The following NMT2 variants were observed in gnomAD, a reference collection of about 807,000 sequenced individuals.
NMT2 encodes glycylpeptide N-tetradecanoyltransferase 2.
In NMT2, 35 loss-of-function variants were observed where a neutral mutation model predicts 65.4. The ratio of observed to expected loss-of-function variants is 0.54; its 90% confidence interval spans 0.41 to 0.71. The LOEUF (loss-of-function observed/expected upper bound fraction) is 0.71. Ranked by LOEUF, NMT2 falls within the 30% of genes least tolerant of loss-of-function variation. The probability of loss-of-function intolerance (pLI) is 0.00; values close to 1 mark genes in which losing one functional copy is unlikely to be tolerated. For synonymous variants in NMT2, 226 were observed against 231.8 expected (o/e 0.98, Z 0.23); for missense variants, 489 against 611.3 (o/e 0.80, Z 2.11).
intron 8 of NMT2, among the ~76,000 whole-genome samples, chr10:15,123,974 T>C (rs113507793): frequency 1.7e-3 from 254 of 152,314 alleles, no homozygotes; most frequent in African/African-American, 5.6e-3. Flanking sequence ...GCAATGATTA[T>C]GGTTATTTAT....
chr10:15,143,672 A>G (rs1846854927), intron 1 of NMT2, among the ~76,000 whole-genome samples: 1 of 152,178 alleles, frequency 6.6e-6, no homozygotes, highest in Non-Finnish European at 1.5e-5. Flanking sequence ...GACCAGCCTG[A>G]GCAATATAGT....
chr10:15,155,389 G>T, intron 1 of NMT2: 1 of 647,828 alleles, frequency 1.5e-6, no homozygotes, highest in Non-Finnish European at 2.7e-6. Flanking sequence ...TTTTTTAAGA[G>T]ATTGGGTCTC....
chr10:15,139,010 G>C (rs1312301500), intron 2 of NMT2, among the ~76,000 whole-genome samples: 1 of 152,110 alleles, frequency 6.6e-6, no homozygotes, highest in African/African-American at 2.4e-5. Context: ...ATCTGGGTGG[G>C]CACAATCTAA....
intron 8 of NMT2, 120 bp downstream of exon 8, chr10:15,128,230 G>A (rs1285328585): frequency 1.5e-5 from 10 of 669,602 alleles, no homozygotes; most frequent in Middle Eastern, 2.7e-4. Context: ...AATCTCTTTC[G>A]CTCCATATTC....
chr10:15,168,677 G>T lies in NMT2; in HGVS notation c.-65C>A. The T allele has an allele frequency of 7.9e-7, 1 of 1,261,434 alleles. No homozygotes were observed. Among genetic ancestry groups the T allele is most frequent in the Non-Finnish European group, 1.1e-6 (1 of 915,530 alleles). 78.1% of individuals were successfully genotyped at this position (1,261,434 alleles called of 1,614,324 possible). A position where few individuals can be genotyped will look rare whatever the true frequency, so the allele number is the denominator to read the frequency against. On this transcript the variant is annotated 5_prime_UTR_variant, in exon 1 of 12. Coordinates refer to ENST00000378165, the MANE Select transcript of NMT2 (RefSeq NM_004808.3). ...GCCGGAGCGGCCGCAGCTCCCTCTA[G>T]TGCCTCCCGCCGTACTGCTTGGAGT...
At chr10:15,128,823 G>A (rs1846182155) in intron 7 of NMT2, among the ~76,000 whole-genome samples, 1 of 152,120 alleles carries the variant, frequency 6.6e-6, no homozygotes, top group Non-Finnish European at 1.5e-5. Context: ...TGGCCAACAT[G>A]GTGAAACCCC....
At chr10:15,137,534 G>A (rs1846555949) in intron 2 of NMT2, among the ~76,000 whole-genome samples, 1 of 152,018 alleles carries the variant, frequency 6.6e-6, no homozygotes, top group African/African-American at 2.4e-5. Flanking sequence ...ATGTGTATCT[G>A]AACTCCAACA....
intron 2 of NMT2, among the ~76,000 whole-genome samples, chr10:15,136,817 T>A (rs1480382251): frequency 4.2e-5 from 6 of 142,188 alleles, no homozygotes; most frequent in Non-Finnish European, 7.5e-5. Context: ...CTCTTGGAGA[T>A]TCCCCAGTTC....
At chr10:15,132,221 CAG>C (rs956675085) in intron 6 of NMT2, among the ~76,000 whole-genome samples, 4 of 151,792 alleles carry the variant, frequency 2.6e-5, no homozygotes, top group Non-Finnish European at 5.9e-5. Flanking sequence ...GATTGAGAGG[CAG>C]AGAGAGAAAA....
In NMT2 at chr10:15,135,275, T is replaced by A; in HGVS notation, c.390A>T (p.Leu130=). ...QFWDTQPVPK[L]DEVITSHGAI... ...AAAGAGAAAAGCAGAAAAACTTACCTAGTTTTGGTACCGGTTGTGTGTCCC... is the reference window on the plus strand; with the variant it reads ...AAAGAGAAAAGCAGAAAAACTTACCAAGTTTTGGTACCGGTTGTGTGTCCC... Residue 130 remains leucine (L), a splice_region_variant and synonymous_variant, in exon 3 of 12, where the codon CTA becomes CTT. Transcript: ENST00000378165. 1 of 1,613,884 alleles carries A rather than the reference T, an allele frequency of 6.2e-7. No homozygotes were observed. The highest frequency in any genetic ancestry group is 8.5e-7 in the Non-Finnish European group (1 of 1,179,984).
rs148874520 is a variant in NMT2, at chr10:15,119,744, T to C, written c.1000-231A>G. ...GTTTGAGAAGAGCTGGGTTAAAATA[T>C]AGGCGAGACAGACAATGTGTTGTAT... On this transcript the variant is annotated intron_variant, in intron 8 of 11. Transcript: ENST00000378165. Among the ~76,000 whole-genome samples, 133 of 152,346 alleles carry C rather than the reference T, an allele frequency of 8.7e-4. 1 individual carries two copies. Among genetic ancestry groups the C allele is most frequent in the Admixed American group, 5.2e-4 (8 of 15,308 alleles).
Position 15,168,538 on chromosome 10 carries a change from G to A in NMT2, c.75C>T (p.Asp25=), listed in dbSNP as rs201709210. 2 of 1,593,244 alleles carry A rather than the reference G, an allele frequency of 1.3e-6. No homozygotes were observed. Among genetic ancestry groups the A allele is most frequent in the Non-Finnish European group, 1.7e-6 (2 of 1,172,228 alleles). The change falls in exon 1 of 12, where the codon GAC becomes GAT. Residue 25 remains aspartate (D), a synonymous_variant. Transcript: ENST00000378165. ...GCTCCGTCTCCTCCTCATTGTCCCC[G>A]TCTATCCCGCACGTGTCCTGGTCGT... ...ELDDQDTCGI[D]GDNEEETEHA...
At chr10:15,116,375 G>T (rs890067444) in intron 9 of NMT2, among the ~76,000 whole-genome samples, 1 of 152,132 alleles carries the variant, frequency 6.6e-6, no homozygotes, top group Non-Finnish European at 1.5e-5. Context: ...ATACATAGAC[G>T]TGAATGACAA....
chr10:15,112,690 TCG>T, intron 10 of NMT2, 104 bp downstream of exon 10: 1 of 1,081,228 alleles, frequency 9.2e-7, no homozygotes, highest in Non-Finnish European at 1.3e-6. Flanking sequence ...TTTTAAAGTC[TCG>T]CATAAATTCC....
intron 1 of NMT2, among the ~76,000 whole-genome samples, chr10:15,154,033 A>G (rs1410559389): frequency 6.6e-6 from 1 of 152,198 alleles, no homozygotes; most frequent in Non-Finnish European, 1.5e-5. Context: ...TCACAACACA[A>G]GCACATTTAT....
intron 3 of NMT2, 112 bp from the exon 4 acceptor site, chr10:15,133,475 C>T (rs1846360375): frequency 5.2e-6 from 4 of 766,300 alleles, no homozygotes; most frequent in African/African-American, 3.5e-5. Context: ...TGACTTAGGG[C>T]CCTCGGGTTT....
intron 3 of NMT2, among the ~76,000 whole-genome samples, chr10:15,133,662 C>G (rs1846368860): frequency 6.6e-6 from 1 of 152,198 alleles, no homozygotes. Context: ...TCATGGCTCA[C>G]TGAAGCCTTC....
chr10:15,155,009 A>G (rs779522669), intron 1 of NMT2: 49 of 1,192,288 alleles, frequency 4.1e-5, no homozygotes, highest in Non-Finnish European at 6.0e-5. Context: ...ACAAGATGCC[A>G]GGACCTGTAT....
chr10:15,130,085 T>C (rs1846223336), intron 7 of NMT2, 57 bp downstream of exon 7: 1 of 1,302,846 alleles, frequency 7.7e-7, no homozygotes, highest in African/African-American at 1.5e-5. Context: ...AGAACAGTGG[T>C]GAGGCTCAAC....
Sources: gnomAD v4.1 joint callset for allele counts (sites outside exome capture counted in the v4.1 genomes callset) on GRCh38, gnomAD v4.1.1 for gene constraint, MANE v1.5 for transcripts, NCBI Gene and HGNC (gene_info 2026-07-23, HGNC 2026-07-21) for gene names.